The following ARHGAP24 variants were observed in gnomAD, a reference collection of about 807,000 sequenced individuals.
The protein encoded by ARHGAP24 is Rho GTPase activating protein 24, also known as rho GTPase-activating protein 24.
Under a neutral mutation model 76.4 loss-of-function variants are expected in ARHGAP24, and 50 were observed. The ratio of observed to expected loss-of-function variants is 0.65; its 90% CI spans 0.52 to 0.83. The LOEUF (loss-of-function observed/expected upper bound fraction) is 0.83. ARHGAP24 is among the 40% of genes least tolerant of loss of function. The pLI, the probability that ARHGAP24 is intolerant of heterozygous loss-of-function variation, is 0.00. For synonymous variants in ARHGAP24, 345 were observed against 323.3 expected, an observed-to-expected ratio of 1.07 and a Z score of -0.72; for missense variants, 930 against 914.2, an observed-to-expected ratio of 1.02 and a Z score of -0.22.
intron 4 of ARHGAP24, among the ~76,000 whole-genome samples, chr4:85,927,665 A>G (rs1287131645): frequency 1.3e-5 from 2 of 152,228 alleles, no homozygotes; most frequent in Non-Finnish European, 2.9e-5. Context: ...AGGAGGTGAC[A>G]TATCACTCTG....
intron 5 of ARHGAP24, among the ~76,000 whole-genome samples, chr4:85,947,827 A>G (rs1312798937): frequency 6.6e-6 from 1 of 152,234 alleles, no homozygotes; most frequent in Non-Finnish European, 1.5e-5. Flanking sequence ...TGGTGCATTC[A>G]TATAAGAAAA....
intron 1 of ARHGAP24, among the ~76,000 whole-genome samples, chr4:85,498,939 T>C (rs1578186885): frequency 1.3e-5 from 2 of 152,230 alleles, no homozygotes; most frequent in East Asian, 1.9e-4. Context: ...TTTTTTCTTT[T>C]ATTTGCTTCA....
chr4:85,728,374 TCTCTCTCTCAC>T (rs927771159), intron 3 of ARHGAP24, among the ~76,000 whole-genome samples: 1 of 152,098 alleles, frequency 6.6e-6, no homozygotes, highest in Non-Finnish European at 1.5e-5. Context: ...TTATTATCTC[TCTCTCTCTCAC>T]CTCTCTCTCA....
intron 2 of ARHGAP24, among the ~76,000 whole-genome samples, chr4:85,579,609 T>G (rs987347409): frequency 1.3e-5 from 2 of 151,972 alleles, no homozygotes; most frequent in Non-Finnish European, 2.9e-5. Context: ...ATTCATTTGG[T>G]GACTATTTAT....
At chr4:86,000,442 C>CGGGGGGGGGGGGGGGGG in intron 9 of ARHGAP24, 37 bp from the exon 10 acceptor site, 1 of 807,894 alleles carries the variant, frequency 1.2e-6, no homozygotes, top group Non-Finnish European at 1.9e-6. Context: ...CTTACTCTTG[C>CGGGGGGGGGGGGGGGGG]GTCCCCACCC....
chr4:85,673,546 A>G (rs963697982), intron 2 of ARHGAP24, among the ~76,000 whole-genome samples: 17 of 151,652 alleles, frequency 1.1e-4, no homozygotes, highest in Admixed American at 4.6e-4. Flanking sequence ...GCAGTTTTCA[A>G]GATGTGAGTG....
Position 85,529,781 on chromosome 4 carries a change from A to G in ARHGAP24, c.-20-40741A>G, listed in dbSNP as rs75500419. ...ATGATGATTAGCAGACAATAAAAATATGTCATTCTCCTGAGTTGTGTATCC... is the reference window on the plus strand; with the variant it reads ...ATGATGATTAGCAGACAATAAAAATGTGTCATTCTCCTGAGTTGTGTATCC... On this transcript the variant is annotated intron_variant, in intron 1 of 9. Transcript: ENST00000395184. 2.2e-3 allele frequency among the ~76,000 whole-genome samples: 336 copies of G among 152,118 alleles called. 7 individuals are homozygous for G. The East Asian group carries it at 0.055, about 25-fold the overall frequency.
At chr4:85,607,492 TATC>T (rs1214253065) in intron 2 of ARHGAP24, among the ~76,000 whole-genome samples, 1 of 151,872 alleles carries the variant, frequency 6.6e-6, no homozygotes, top group Non-Finnish European at 1.5e-5. Context: ...ACTAAAAAAA[TATC>T]ATGCAGGAAT....
intron 3 of ARHGAP24, among the ~76,000 whole-genome samples, chr4:85,776,328 G>A (rs1006666353): frequency 1.3e-5 from 2 of 152,074 alleles, no homozygotes; most frequent in Admixed American, 6.6e-5. Flanking sequence ...CAACACCACA[G>A]GGCAAATCTT....
At chr4:85,713,737 A>G (rs1724620297) in intron 2 of ARHGAP24, among the ~76,000 whole-genome samples, 1 of 152,160 alleles carries the variant, frequency 6.6e-6, no homozygotes, top group Admixed American at 6.5e-5. Flanking sequence ...ACTTATTACA[A>G]TTCAGGGTGG....
intron 1 of ARHGAP24, among the ~76,000 whole-genome samples, chr4:85,495,444 G>A (rs568837456): frequency 1.1e-4 from 16 of 147,142 alleles, no homozygotes; most frequent in African/African-American, 3.6e-4. Context: ...CTTGCCTCCC[G>A]GGTTCATGCC....
At chr4:85,684,923 C>T (rs1323490415) in intron 2 of ARHGAP24, among the ~76,000 whole-genome samples, 1 of 151,894 alleles carries the variant, frequency 6.6e-6, no homozygotes, top group South Asian at 2.1e-4. Flanking sequence ...TACAGTAACA[C>T]TCTGTAGATG....
At position 85,941,316 on chromosome 4, in the gene ARHGAP24, A is replaced by T. The variant is rs541966743; in HGVS notation, c.392-750A>T. Among the ~76,000 whole-genome samples the T allele has an allele frequency of 5.9e-5, 9 of 152,272 alleles. No individual in the cohort carries two copies. The South Asian group carries it at 1.9e-3, about 32-fold the overall frequency. ...ATGTATGGTTTGTAGGTGTTGTAAA[A>T]TCATTAATAAATCTAACTAAAACTT... On this transcript the variant is annotated intron_variant, in intron 4 of 9. Coordinates refer to ENST00000395184, the MANE Select transcript of ARHGAP24 (RefSeq NM_001025616.3).
intron 1 of ARHGAP24, among the ~76,000 whole-genome samples, chr4:85,491,332 CT>C (rs1359139329): frequency 1.3e-5 from 2 of 152,142 alleles, no homozygotes; most frequent in Non-Finnish European, 2.9e-5. Context: ...TTTGTTATCT[CT>C]CATTTCCTCT....
At chr4:85,972,491 C>A (rs1255238430) in intron 6 of ARHGAP24, 2 of 335,464 alleles carry the variant, frequency 6.0e-6, no homozygotes, top group Non-Finnish European at 1.1e-5. Context: ...ATCTTTTAAT[C>A]GTGTGGACCC....
chr4:85,620,809 A>G (rs1720692663), intron 2 of ARHGAP24, among the ~76,000 whole-genome samples: 1 of 151,922 alleles, frequency 6.6e-6, no homozygotes, highest in African/African-American at 2.4e-5. Flanking sequence ...TTCAAGGGGT[A>G]CATATGCAAG....
At chr4:85,632,091 C>T (rs2110013261) in intron 2 of ARHGAP24, among the ~76,000 whole-genome samples, 1 of 152,044 alleles carries the variant, frequency 6.6e-6, no homozygotes, top group East Asian at 1.9e-4. Context: ...TATTATTTTA[C>T]AGACCATTTA....
intron 4 of ARHGAP24, among the ~76,000 whole-genome samples, chr4:85,935,213 A>T (rs1014479123): frequency 6.6e-6 from 1 of 152,240 alleles, no homozygotes; most frequent in Non-Finnish European, 1.5e-5. Context: ...TGACTAGCTC[A>T]TTAATTCATA....
chr4:85,677,292 C>G (rs964830360), intron 2 of ARHGAP24, among the ~76,000 whole-genome samples: 2 of 152,138 alleles, frequency 1.3e-5, no homozygotes, highest in Non-Finnish European at 2.9e-5. Flanking sequence ...GTAGTCCTGA[C>G]CTTGGCAGGC....
Sources: allele counts gnomAD v4.1 joint callset (sites outside exome capture counted in the v4.1 genomes callset), GRCh38; gene constraint gnomAD v4.1.1; transcripts MANE v1.5; gene names NCBI Gene and HGNC (gene_info 2026-07-23, HGNC 2026-07-21).